IMMP2L: variants seen among roughly 807,000 people sequenced by gnomAD.
The protein encoded by IMMP2L is inner mitochondrial membrane peptidase subunit 2.
IMMP2L carries 18 observed loss-of-function variants against 19.3 expected under a neutral mutation model. That is an observed-to-expected ratio of 0.93 (90% confidence interval 0.64 to 1.38). The LOEUF (loss-of-function observed/expected upper bound fraction) is 1.38. IMMP2L is among the 40% of genes most tolerant of loss of function. The pLI, the probability that IMMP2L is intolerant of heterozygous loss-of-function variation, is 0.00. For missense variants in IMMP2L, 233 were observed against 218.2 expected (o/e 1.07, Z -0.43); for synonymous variants, 76 against 73.0 (o/e 1.04, Z -0.21).
At chr7:111,525,481 A>G (rs893457172) in intron 1 of IMMP2L, among the ~76,000 whole-genome samples, 2 of 152,176 alleles carry the variant, frequency 1.3e-5, no homozygotes, top group South Asian at 4.1e-4. Flanking sequence ...TGAAATAATC[A>G]TCTATCTGAA....
chr7:110,734,283 C>T (rs1394682164), intron 5 of IMMP2L, among the ~76,000 whole-genome samples: 2 of 152,182 alleles, frequency 1.3e-5, no homozygotes, highest in Non-Finnish European at 2.9e-5. Context: ...ATCCTGATGA[C>T]ATCTTAGACA....
rs116314175 is a variant in IMMP2L, at chr7:110,912,780, A to G, written c.306-26085T>C. On this transcript the variant is annotated intron_variant, in intron 4 of 5. Transcript: ENST00000405709. ...GCTACTTGCTCCTAAGTTGATAATC[A>G]AGGTCTACATCTAGCCTGAAAGTAA... is the stretch of plus-strand genomic sequence containing the variant. Among the ~76,000 whole-genome samples, 791 of 152,138 alleles carry G rather than the reference A, an allele frequency of 5.2e-3. 10 individuals are homozygous for G. Among genetic ancestry groups the G allele is most frequent in the African/African-American group, 0.018 (764 of 41,530 alleles).
chr7:111,274,895 C>A (rs567708029), intron 3 of IMMP2L, among the ~76,000 whole-genome samples: 2 of 152,208 alleles, frequency 1.3e-5, no homozygotes, highest in South Asian at 2.1e-4. Flanking sequence ...TGAAAAGATA[C>A]CAGCATTCCC....
At chr7:111,539,792 T>C (rs1459210623) in intron 1 of IMMP2L, among the ~76,000 whole-genome samples, 2 of 152,188 alleles carry the variant, frequency 1.3e-5, no homozygotes, top group Non-Finnish European at 2.9e-5. Context: ...CAAGCTCTAA[T>C]GTATTTCATA....
chr7:110,705,782 T>A (rs1204069204), intron 5 of IMMP2L, among the ~76,000 whole-genome samples: 1 of 151,964 alleles, frequency 6.6e-6, no homozygotes, highest in East Asian at 1.9e-4. Flanking sequence ...ATTCTTGCCA[T>A]CTTTATGTCA....
chr7:111,242,527 A>C (rs1173352622), intron 3 of IMMP2L, among the ~76,000 whole-genome samples: 1 of 152,224 alleles, frequency 6.6e-6, no homozygotes, highest in African/African-American at 2.4e-5. Flanking sequence ...AAAAAATCCA[A>C]TGAGCTACAA....
chr7:111,161,758 A>C (rs946630532), intron 3 of IMMP2L, among the ~76,000 whole-genome samples: 2 of 151,974 alleles, frequency 1.3e-5, no homozygotes, highest in African/African-American at 4.8e-5. Flanking sequence ...TAGCGAACAG[A>C]CTTCAGGACA....
At chr7:110,908,958 G>A (rs948449353) in intron 4 of IMMP2L, among the ~76,000 whole-genome samples, 3 of 152,164 alleles carry the variant, frequency 2.0e-5, no homozygotes, top group Non-Finnish European at 2.9e-5. Flanking sequence ...ATTTAAAAAT[G>A]TAATATCATA....
At chr7:111,115,793 G>A (rs553899255) in intron 3 of IMMP2L, among the ~76,000 whole-genome samples, 4 of 151,902 alleles carry the variant, frequency 2.6e-5, no homozygotes, top group Admixed American at 1.3e-4. Context: ...TCAGCCTCCC[G>A]AGTAGCTGGG....
chr7:111,508,202 CAAAA>C (rs1427866642), intron 2 of IMMP2L, among the ~76,000 whole-genome samples: 1 of 150,680 alleles, frequency 6.6e-6, no homozygotes, highest in Non-Finnish European at 1.5e-5. Flanking sequence ...AATTCACTGA[CAAAA>C]AAATAAAAAT....
intron 5 of IMMP2L, among the ~76,000 whole-genome samples, chr7:110,697,180 T>C (rs1793955095): frequency 6.6e-6 from 1 of 152,170 alleles, no homozygotes; most frequent in South Asian, 2.1e-4. Flanking sequence ...TGGCATATCT[T>C]GATTTCAGCT....
intron 2 of IMMP2L, among the ~76,000 whole-genome samples, chr7:111,493,621 C>A (rs1843306119): frequency 6.6e-6 from 1 of 151,650 alleles, no homozygotes; most frequent in African/African-American, 2.4e-5. Context: ...AGGAGAACGG[C>A]GTGAACCCGG....
At chr7:111,384,472 T>C (rs1831540264) in intron 3 of IMMP2L, among the ~76,000 whole-genome samples, 2 of 152,180 alleles carry the variant, frequency 1.3e-5, no homozygotes, top group African/African-American at 4.8e-5. Context: ...AAGTCACAAT[T>C]CATTCCTACT....
intron 3 of IMMP2L, among the ~76,000 whole-genome samples, chr7:111,014,861 C>T (rs1825345729): frequency 6.6e-6 from 1 of 152,008 alleles, no homozygotes; most frequent in African/African-American, 2.4e-5. Context: ...CCACACCCAC[C>T]CATTAGGATC....
intron 3 of IMMP2L, among the ~76,000 whole-genome samples, chr7:111,300,266 C>G (rs1292340078): frequency 6.6e-6 from 1 of 152,146 alleles, no homozygotes; most frequent in African/African-American, 2.4e-5. Context: ...GCAGACCCAC[C>G]TGAAGATCTT....
At chr7:110,868,144 T>TGTGTGTGTGTGTGTGTGTG (rs1554441899) in intron 5 of IMMP2L, among the ~76,000 whole-genome samples, 1 of 151,020 alleles carries the variant, frequency 6.6e-6, no homozygotes, top group African/African-American at 2.4e-5. Flanking sequence ...TGTGTGTGTG[T>TGTGTGTGTGTGTGTGTGTG]AACCAAGCTG....
chr7:110,681,573 A>G (rs1473959976), intron 5 of IMMP2L, among the ~76,000 whole-genome samples: 2 of 152,196 alleles, frequency 1.3e-5, no homozygotes, highest in South Asian at 2.1e-4. Context: ...ATCAATGTGC[A>G]TAAAAGGCCC....
intron 3 of IMMP2L, among the ~76,000 whole-genome samples, chr7:111,050,536 T>G (rs1355208429): frequency 2.0e-5 from 3 of 152,226 alleles, no homozygotes; most frequent in Non-Finnish European, 4.4e-5. Context: ...TTAAATGGTC[T>G]TGTTTAAAGG....
intron 3 of IMMP2L, among the ~76,000 whole-genome samples, chr7:111,006,094 AT>A (rs1202638149): frequency 1.3e-5 from 2 of 152,136 alleles, no homozygotes; most frequent in Non-Finnish European, 2.9e-5. Context: ...GCATTTTCAC[AT>A]TTTAGCGTAA....
Sources: allele counts gnomAD v4.1 joint callset (sites outside exome capture counted in the v4.1 genomes callset), GRCh38; gene constraint gnomAD v4.1.1; transcripts MANE v1.5; gene names NCBI Gene and HGNC (gene_info 2026-07-23, HGNC 2026-07-21).